Variants in PSG5 observed in about 807,000 individuals in gnomAD.
The protein encoded by PSG5 is pregnancy specific beta-1-glycoprotein 5, also known as pregnancy-specific beta-1-glycoprotein 5.
PSG5 carries 53 observed loss-of-function variants against 37.7 expected under a neutral mutation model. The ratio of observed to expected loss-of-function variants is 1.41; its 90% CI spans 1.13 to 1.77. The LOEUF (loss-of-function observed/expected upper bound fraction) is 1.77, where lower values mean the gene tolerates loss of function less well. Among genes scored for constraint, PSG5 ranks in the 40% most tolerant of loss-of-function variants. PSG5 has a pLI of 0.00. For synonymous variants in PSG5, 221 were observed against 155.4 expected, an observed-to-expected ratio of 1.42 and a Z score of -3.14; for missense variants, 547 against 405.2, an observed-to-expected ratio of 1.35 and a Z score of -3.00.
chr19:43,181,052 A>G (rs564072402), intron 2 of PSG5, among the ~76,000 whole-genome samples: 2 of 151,790 alleles, frequency 1.3e-5, no homozygotes, highest in South Asian at 2.1e-4. Context: ...ATTAGGAAGA[A>G]TCTAAGTGAG....
chr19:43,169,604 G>A (rs1968860761), intron 5 of PSG5, among the ~76,000 whole-genome samples: 1 of 151,588 alleles, frequency 6.6e-6, no homozygotes, highest in Non-Finnish European at 1.5e-5. Context: ...ATAGGCTAGA[G>A]TAGACCCCTG....
In PSG5 at chr19:43,184,860, C is replaced by T; in HGVS notation, c.352G>A (p.Gly118Arg). The T allele has an allele frequency of 8.1e-6, 13 of 1,612,552 alleles. No individual in the cohort carries two copies. The highest frequency in any genetic ancestry group is 1.1e-5 in the Non-Finnish European group (13 of 1,179,156). ...LIQNVTREDAGSYTLHIIKRG... is the reference protein window; with the variant it reads ...LIQNVTREDARSYTLHIIKRG... The stretch of plus-strand genomic sequence containing the variant: ...TTTATGATGTGTAAGGTGTAGGATC[C>T]TGCGTCTTCCCGGGTGACATTCTGG... The change falls in exon 2 of 6, where the codon GGA (glycine) becomes AGA (arginine). Residue 118 changes from glycine (G) to arginine (R), a missense_variant. By Grantham distance (125) the Gly-to-Arg change is moderately radical (BLOSUM62 -2). Transcript: ENST00000342951.
At chr19:43,179,071 C>T in intron 2 of PSG5, 2 of 1,612,232 alleles carry the variant, frequency 1.2e-6, no homozygotes, top group Non-Finnish European at 1.7e-6. Flanking sequence ...GTGTCTGAAG[C>T]CGCAGGATCA....
intron 2 of PSG5, among the ~76,000 whole-genome samples, chr19:43,177,910 A>G (rs1969044949): frequency 6.9e-6 from 1 of 144,782 alleles, no homozygotes; most frequent in African/African-American, 2.6e-5. Flanking sequence ...AATGTTTTGT[A>G]GTTTTCAGGG....
rs79783895 is a variant in PSG5 at position 43,170,333 on chromosome 19, G to T, written c.965-195C>A. ...TCCCTCTCACCATGTTTCTAGGATG[G>T]TGATCAGTCCTCTGTCAAATCTCTA... On this transcript the variant is annotated intron_variant, in intron 4 of 5. Coordinates refer to ENST00000342951, the MANE Select transcript of PSG5 (RefSeq NM_002781.4). 10 of 667,994 alleles carry T rather than the reference G, an allele frequency of 1.5e-5. 1 individual carries two copies. The highest frequency in any genetic ancestry group is 3.5e-5 in the Admixed American group (1 of 28,772). The allele number at this position is 667,994 out of a possible 1,614,324, so 41.4% of individuals were successfully genotyped here.
chr19:43,179,395 T>C (rs560770707), intron 2 of PSG5, among the ~76,000 whole-genome samples: 4 of 151,668 alleles, frequency 2.6e-5, no homozygotes, highest in African/African-American at 9.7e-5. Context: ...AGCAGCAGCA[T>C]TGGGTCATGG....
intron 4 of PSG5, chr19:43,174,622 T>G (rs1968966869): frequency 1.0e-6 from 1 of 976,424 alleles, no homozygotes; most frequent in South Asian, 4.7e-5. Context: ...TGGCTTCAAC[T>G]GGCAGCTCGA....
intron 2 of PSG5, among the ~76,000 whole-genome samples, chr19:43,177,495 T>G (rs569053366): frequency 1.3e-5 from 2 of 151,142 alleles, no homozygotes; most frequent in Non-Finnish European, 2.9e-5. Flanking sequence ...ATAAGCCAAA[T>G]ATATTCCTGC....
intron 4 of PSG5, 181 bp downstream of exon 4, chr19:43,175,034 C>G: frequency 6.6e-7 from 1 of 1,515,232 alleles, no homozygotes; most frequent in Non-Finnish European, 8.9e-7. Flanking sequence ...CATGAGAAAA[C>G]AGAAAAACAA....
intron 4 of PSG5, chr19:43,171,210 T>A (rs1393969444): frequency 6.6e-6 from 1 of 151,688 alleles, no homozygotes; most frequent in Non-Finnish European, 1.5e-5. Flanking sequence ...ATTCTAGGAC[T>A]ATTTGACCTC....
At chr19:43,181,874 A>T (rs551448596) in intron 2 of PSG5, among the ~76,000 whole-genome samples, 1 of 151,788 alleles carries the variant, frequency 6.6e-6, no homozygotes, top group Admixed American at 6.6e-5. Flanking sequence ...GAAGTCTCTA[A>T]GAAGTGACAG....
chr19:43,174,453 T>C (rs1442092301), intron 4 of PSG5: 1 of 786,956 alleles, frequency 1.3e-6, no homozygotes, highest in Non-Finnish European at 1.5e-6. Flanking sequence ...TCTCTCTATT[T>C]CTCCAGCTCT....
intron 5 of PSG5, among the ~76,000 whole-genome samples, chr19:43,168,492 C>CT (rs1968834715): frequency 1.3e-5 from 2 of 151,464 alleles, no homozygotes. Context: ...CCTCAGCCTC[C>CT]TGAGTAACTG....
In PSG5 at chr19:43,173,067, G is replaced by T. The variant is rs561280288; in HGVS notation, c.964+2148C>A. The stretch of plus-strand genomic sequence containing the variant: ...GAAATATCATAGCCCAGAAAGAAAT[G>T]CTTGCATATATGGCCAAATGATTTT... On this transcript the variant is annotated intron_variant, in intron 4 of 5. Transcript: ENST00000342951. Among the ~76,000 whole-genome samples the T allele has an allele frequency of 4.6e-5, 7 of 151,714 alleles. No homozygotes were observed. In the East Asian group the frequency reaches 7.7e-4, roughly 17 times the overall value.
At chr19:43,174,747 A>G in intron 4 of PSG5, 1 of 1,103,000 alleles carries the variant, frequency 9.1e-7, no homozygotes, top group Non-Finnish European at 1.1e-6. Flanking sequence ...AGCAGGAAGC[A>G]GAGTCTGAGC....
chr19:43,175,467 C>A lies in PSG5; in HGVS notation c.712G>T (p.Gly238Cys). Residue 238 changes from glycine (G) to cysteine (C), a missense_variant and splice_region_variant, in exon 4 of 6, where the codon GGT becomes TGT. Gly to Cys is a radical substitution (Grantham distance 159, BLOSUM62 -3). Coordinates refer to ENST00000342951, the MANE Select transcript of PSG5 (RefSeq NM_002781.4). ...GGGTAAATGCTGGGGAGGTCTGGAC[C>A]ATCTGGAGCAAAGAGAATGAAGCCA... Reference protein sequence around the residue: ...SDPVTLNVLYGPDLPSIYPSF... With the variant: ...SDPVTLNVLYCPDLPSIYPSF... The A allele has an allele frequency of 6.2e-7, 1 of 1,604,118 alleles. No individual in the cohort carries two copies. Among genetic ancestry groups the A allele is most frequent in the South Asian group, 1.1e-5 (1 of 89,650 alleles).
chr19:43,169,263 C>T (rs1968852454), intron 5 of PSG5, among the ~76,000 whole-genome samples: 1 of 151,560 alleles, frequency 6.6e-6, no homozygotes, highest in African/African-American at 2.4e-5. Flanking sequence ...GTTTTTTGAA[C>T]ACATGAACTG....
At chr19:43,180,528 C>G (rs1178564444) in intron 2 of PSG5, 1 of 151,416 alleles carries the variant, frequency 6.6e-6, no homozygotes, top group Non-Finnish European at 1.5e-5. Flanking sequence ...TTCCGATGCT[C>G]AATTCGTAAT....
At chr19:43,179,745 C>A (rs1032420640) in intron 2 of PSG5, among the ~76,000 whole-genome samples, 1 of 151,588 alleles carries the variant, frequency 6.6e-6, no homozygotes, top group African/African-American at 2.4e-5. Flanking sequence ...CAAGGTGGCG[C>A]AGTTTTCCCA....
Sources: allele counts gnomAD v4.1 joint callset (sites outside exome capture counted in the v4.1 genomes callset), GRCh38; gene constraint gnomAD v4.1.1; transcripts MANE v1.5; gene names NCBI Gene and HGNC (gene_info 2026-07-23, HGNC 2026-07-21).